The following GP6 variants were observed in gnomAD, a reference collection of about 807,000 sequenced individuals.
The protein encoded by GP6 is glycoprotein VI platelet.
Under a neutral mutation model 37.3 loss-of-function variants are expected in GP6, and 45 were observed. That is an observed-to-expected ratio of 1.21 (90% confidence interval 0.95 to 1.55). The LOEUF (loss-of-function observed/expected upper bound fraction) is 1.55, where lower values mean the gene tolerates loss of function less well. Ranked by LOEUF, GP6 falls within the 40% of genes most tolerant of loss-of-function variation. The pLI is 0.00. For missense variants in GP6, 813 were observed against 760.2 expected (o/e 1.07, Z -0.82); for synonymous variants, 340 against 316.4 (o/e 1.07, Z -0.79).
intron 4 of GP6, among the ~76,000 whole-genome samples, chr19:55,027,024 C>T (rs2074332983): frequency 8.1e-6 from 1 of 123,298 alleles, no homozygotes; most frequent in Non-Finnish European, 1.7e-5. Context: ...CCTACGGCCC[C>T]GCCCCTGCAG....
chr19:55,021,523 T>G (rs2074084097), intron 5 of GP6, among the ~76,000 whole-genome samples: 2 of 143,624 alleles, frequency 1.4e-5, no homozygotes, highest in Non-Finnish European at 3.1e-5. Flanking sequence ...TTTGTTGGTT[T>G]TTTTTTTTTT....
intron 1 of GP6, 63 bp from the exon 2 acceptor site, chr19:55,032,601 G>A: frequency 6.4e-7 from 1 of 1,561,086 alleles, no homozygotes; most frequent in Non-Finnish European, 8.8e-7. Context: ...CTGCCTGCTG[G>A]GCGCGGTGAT....
chr19:55,018,523 C>T (rs1406651064), intron 6 of GP6, 129 bp downstream of exon 6: 1 of 779,816 alleles, frequency 1.3e-6, no homozygotes, highest in Non-Finnish European at 2.4e-6. Context: ...TAGCCTCACA[C>T]CAAGGACTTT....
intron 6 of GP6, among the ~76,000 whole-genome samples, chr19:55,016,616 C>T (rs1370039319): frequency 2.0e-5 from 3 of 151,806 alleles, no homozygotes; most frequent in Non-Finnish European, 2.9e-5. Context: ...CCTTGTGATC[C>T]GCCCGCCTAG....
intron 6 of GP6, 72 bp downstream of exon 6, chr19:55,018,580 G>T: frequency 3.4e-6 from 3 of 894,958 alleles, no homozygotes; most frequent in Non-Finnish European, 5.7e-6. Flanking sequence ...AAGCCTACAG[G>T]CTTAGATAAT....
chr19:55,015,264 C>T lies in GP6; in HGVS notation c.780-99G>A, dbSNP rs114374502. On this transcript the variant is annotated intron_variant, in intron 7 of 7. Transcript: ENST00000310373. ...TTCTCAGAGATCCTATTATTCTCTACTAGCTAGGGGATGCCGCTCACTTTC... is the reference window on the plus strand; with the variant it reads ...TTCTCAGAGATCCTATTATTCTCTATTAGCTAGGGGATGCCGCTCACTTTC... 2,166 of 1,537,888 alleles carry T rather than the reference C, an allele frequency of 1.4e-3. 23 individuals carry two copies. The African/African-American group carries it at 0.026, about 18-fold the overall frequency.
intron 5 of GP6, 79 bp from the exon 6 acceptor site, chr19:55,018,790 T>C: frequency 3.1e-6 from 3 of 965,042 alleles, no homozygotes; most frequent in East Asian, 2.4e-5. Context: ...TTTTGAGATA[T>C]CTAGGCTCCC....
At chr19:55,030,186 TAGA>T (rs79851793) in intron 3 of GP6, among the ~76,000 whole-genome samples, 37,106 of 151,976 alleles carry the variant, frequency 0.24, 5,118 homozygotes, top group East Asian at 0.53. Context: ...AACCTACTTC[TAGA>T]AAATAACCAT....
At chr19:55,031,114 C>T (rs1238982450) in intron 3 of GP6, among the ~76,000 whole-genome samples, 1 of 152,180 alleles carries the variant, frequency 6.6e-6, no homozygotes, top group Non-Finnish European at 1.5e-5. Context: ...TCCCAAAGTG[C>T]TGGGATTACA....
In GP6 at chr19:55,027,683, T is replaced by C. The variant is rs777476310; in HGVS notation, c.505A>G (p.Thr169Ala). ...GTTCCGCTGTGGGCGGCGGTCACCG[T>C]GATGATGGGAAAACTAGCCCTGTAC... The change falls in exon 4 of 8, where the codon ACG becomes GCG. Residue 169 changes from threonine (T) to alanine (A), a missense_variant. Thr to Ala is a moderately conservative substitution (Grantham distance 58). Coordinates refer to ENST00000310373, the MANE Select transcript of GP6 (RefSeq NM_001083899.2). 41 of 1,612,780 alleles carry C rather than the reference T, an allele frequency of 2.5e-5. 1 individual carries two copies. In the South Asian group the frequency reaches 4.1e-4, roughly 16 times the overall value.
intron 3 of GP6, among the ~76,000 whole-genome samples, chr19:55,029,996 G>A (rs948734830): frequency 2.0e-5 from 3 of 152,162 alleles, no homozygotes; most frequent in Middle Eastern, 3.4e-3. Context: ...GCACTCTCCT[G>A]GGATGTAAAA....
chr19:55,034,716 TACACACACACACAC>T (rs796869786), intron 1 of GP6, among the ~76,000 whole-genome samples: 4 of 148,146 alleles, frequency 2.7e-5, no homozygotes, highest in South Asian at 2.2e-4. Flanking sequence ...CCCTCATTCT[TACACACACACACAC>T]ACACACACAC....
intron 3 of GP6, among the ~76,000 whole-genome samples, chr19:55,029,721 T>TAAG (rs1555802475): frequency 6.8e-6 from 1 of 147,976 alleles, no homozygotes; most frequent in Non-Finnish European, 1.5e-5. Context: ...ACCACCAAGA[T>TAAG]AAAAAAAGGT....
At chr19:55,023,915 G>T (rs1322139835) in intron 5 of GP6, among the ~76,000 whole-genome samples, 2 of 151,436 alleles carry the variant, frequency 1.3e-5, no homozygotes, top group Non-Finnish European at 2.9e-5. Flanking sequence ...CAAATTAATG[G>T]ATACCAGGAG....
chr19:55,031,580 A>C (rs2074560474), intron 3 of GP6, among the ~76,000 whole-genome samples: 1 of 152,066 alleles, frequency 6.6e-6, no homozygotes, highest in East Asian at 1.9e-4. Context: ...TTCATTGTGG[A>C]TGTTTTTGCA....
intron 5 of GP6, among the ~76,000 whole-genome samples, chr19:55,021,769 C>G (rs2074096609): frequency 6.6e-6 from 1 of 152,126 alleles, no homozygotes; most frequent in Non-Finnish European, 1.5e-5. Flanking sequence ...ATCTGCCTGC[C>G]TCGGCCTCCC....
intron 6 of GP6, 26 bp downstream of exon 6, chr19:55,018,626 T>C: frequency 1.5e-6 from 2 of 1,363,728 alleles, no homozygotes; most frequent in Non-Finnish European, 2.1e-6. Flanking sequence ...TCCTTTCTGC[T>C]GAGCATGAAA....
intron 6 of GP6, among the ~76,000 whole-genome samples, chr19:55,017,984 C>G (rs2073937472): frequency 6.6e-6 from 1 of 152,128 alleles, no homozygotes; most frequent in African/African-American, 2.4e-5. Flanking sequence ...AGGAGAATCG[C>G]TTGAACCCGG....
intron 5 of GP6, among the ~76,000 whole-genome samples, chr19:55,024,364 A>ACACGCACG: frequency 5.9e-5 from 1 of 16,984 alleles, no homozygotes; most frequent in Non-Finnish European, 2.2e-4. Context: ...ACACACACAT[A>ACACGCACG]TGCACGCACA....
Sources: gnomAD v4.1 joint callset for allele counts (sites outside exome capture counted in the v4.1 genomes callset) on GRCh38, gnomAD v4.1.1 for gene constraint, MANE v1.5 for transcripts, NCBI Gene and HGNC (gene_info 2026-07-23, HGNC 2026-07-21) for gene names.